The following PCDH15 variants were observed in gnomAD, a reference collection of about 807,000 sequenced individuals.
The protein encoded by PCDH15 is protocadherin-15.
PCDH15 carries 129 observed loss-of-function variants against 178.5 expected under a neutral mutation model. The ratio of observed to expected loss-of-function variants is 0.72; its 90% confidence interval spans 0.63 to 0.84. The LOEUF is 0.84. PCDH15 is among the 40% of genes least tolerant of loss of function. The probability of loss-of-function intolerance (pLI) is 0.00; values close to 1 mark genes in which losing one functional copy is unlikely to be tolerated. For missense variants in PCDH15, 2,230 were observed against 2,099.9 expected (o/e 1.06, Z -1.21); for synonymous variants, 800 against 732.0 (o/e 1.09, Z -1.50).
intron 1 of PCDH15, among the ~76,000 whole-genome samples, chr10:55,172,013 G>C (rs1403757836): frequency 1.3e-5 from 2 of 151,888 alleles, no homozygotes; most frequent in Admixed American, 6.6e-5. Context: ...AAAACTTTTA[G>C]AAACAATAAC....
chr10:54,623,602 G>A (rs942863299), intron 2 of PCDH15, among the ~76,000 whole-genome samples: 4 of 151,922 alleles, frequency 2.6e-5, no homozygotes, highest in East Asian at 1.9e-4. Context: ...TTTCTTTGGC[G>A]AGAAATAAAT....
intron 3 of PCDH15, among the ~76,000 whole-genome samples, chr10:54,483,877 A>C (rs1183113900): frequency 6.6e-6 from 1 of 151,874 alleles, no homozygotes; most frequent in Non-Finnish European, 1.5e-5. Flanking sequence ...TTGACAAATA[A>C]GGGTGATGAT....
chr10:54,684,115 T>C (rs2094950315), intron 1 of PCDH15, among the ~76,000 whole-genome samples: 1 of 152,030 alleles, frequency 6.6e-6, no homozygotes, highest in South Asian at 2.1e-4. Context: ...TTAAAATGCA[T>C]GTGTTATTGT....
chr10:55,497,490 G>C (rs1320067022), intron 2 of PCDH15, among the ~76,000 whole-genome samples: 1 of 151,634 alleles, frequency 6.6e-6, no homozygotes, highest in Non-Finnish European at 1.5e-5. Context: ...TTTTCTGTAA[G>C]TAATAACACA....
chr10:55,282,017 C>T (rs1188996546), intron 1 of PCDH15, among the ~76,000 whole-genome samples: 2 of 152,114 alleles, frequency 1.3e-5, no homozygotes, highest in African/African-American at 4.8e-5. Context: ...CTATTATATC[C>T]ATATTGACTT....
chr10:54,473,596 T>G (rs2078068903), intron 3 of PCDH15, among the ~76,000 whole-genome samples: 1 of 152,084 alleles, frequency 6.6e-6, no homozygotes, highest in African/African-American at 2.4e-5. Flanking sequence ...AGTACTTTAA[T>G]TATTTGCTTG....
At chr10:54,625,050 A>T (rs1385162938) in intron 2 of PCDH15, among the ~76,000 whole-genome samples, 2 of 152,224 alleles carry the variant, frequency 1.3e-5, no homozygotes, top group East Asian at 3.9e-4. Context: ...AATTGTCTTC[A>T]GTGAAACTGG....
At chr10:54,031,586 A>G (rs2093297071) in intron 18 of PCDH15, among the ~76,000 whole-genome samples, 1 of 152,076 alleles carries the variant, frequency 6.6e-6, no homozygotes, top group Non-Finnish European at 1.5e-5. Context: ...ATAAAAATAA[A>G]CAATATTCCT....
At chr10:54,494,584 T>C (rs1202340990) in intron 3 of PCDH15, among the ~76,000 whole-genome samples, 1 of 152,170 alleles carries the variant, frequency 6.6e-6, no homozygotes, top group Non-Finnish European at 1.5e-5. Flanking sequence ...TTCTCTGCTC[T>C]ATGATGCAGC....
At chr10:54,538,829 T>C (rs1219425753) in intron 2 of PCDH15, among the ~76,000 whole-genome samples, 3 of 152,192 alleles carry the variant, frequency 2.0e-5, no homozygotes, top group South Asian at 2.1e-4. Flanking sequence ...AAACCTCTTT[T>C]CTTTATAAAT....
At chr10:54,599,751 A>G (rs1318753270) in intron 2 of PCDH15, 2 of 484,112 alleles carry the variant, frequency 4.1e-6, no homozygotes, top group Non-Finnish European at 7.8e-6. Context: ...AAGAGGAGGT[A>G]AAAGATGAGG....
intron 3 of PCDH15, among the ~76,000 whole-genome samples, chr10:54,834,625 T>A (rs2133754769): frequency 6.6e-6 from 1 of 152,094 alleles, no homozygotes; most frequent in South Asian, 2.1e-4. Flanking sequence ...AAAAAATAAT[T>A]CTCTCTATTA....
chr10:54,997,111 C>CAA (rs34308353), intron 2 of PCDH15, among the ~76,000 whole-genome samples: 90,482 of 141,994 alleles, frequency 0.64, 28,748 homozygotes, highest in South Asian at 0.71. Context: ...ACTCTAGTCT[C>CAA]AAAAAAAAAA....
chr10:54,864,089 T>C (rs1953894285), intron 3 of PCDH15, among the ~76,000 whole-genome samples: 2 of 152,172 alleles, frequency 1.3e-5, no homozygotes, highest in South Asian at 4.1e-4. Context: ...ATGAAGGTTT[T>C]ATAAATTTCT....
chr10:55,206,599 A>G (rs879773770), intron 1 of PCDH15, among the ~76,000 whole-genome samples: 1 of 152,132 alleles, frequency 6.6e-6, no homozygotes, highest in Non-Finnish European at 1.5e-5. Flanking sequence ...TCTCTTCACA[A>G]TTAACATCAC....
intron 2 of PCDH15, among the ~76,000 whole-genome samples, chr10:55,579,926 A>C (rs1489008488): frequency 1.3e-5 from 2 of 151,966 alleles, no homozygotes; most frequent in Non-Finnish European, 2.9e-5. Flanking sequence ...GCGCAATCTC[A>C]GCTCACTGCA....
chr10:54,412,182 G>A (rs1953631571), intron 3 of PCDH15, among the ~76,000 whole-genome samples: 1 of 149,452 alleles, frequency 6.7e-6, no homozygotes, highest in South Asian at 2.1e-4. Context: ...CAAATGTAAG[G>A]GAAAACATCT....
chr10:55,580,012 A>G (rs1457572797), intron 2 of PCDH15, among the ~76,000 whole-genome samples: 1 of 151,946 alleles, frequency 6.6e-6, no homozygotes, highest in Non-Finnish European at 1.5e-5. Context: ...ACCTGCCACC[A>G]CGCCTGGCTA....
At chr10:55,110,906 T>G (rs918489631) in intron 2 of PCDH15, among the ~76,000 whole-genome samples, 37 of 152,252 alleles carry the variant, frequency 2.4e-4, no homozygotes, top group African/African-American at 7.7e-4. Flanking sequence ...TATTTTATAT[T>G]TATTTACTTC....
Sources: gnomAD v4.1 joint callset for allele counts (sites outside exome capture counted in the v4.1 genomes callset) on GRCh38, gnomAD v4.1.1 for gene constraint, MANE v1.5 for transcripts, NCBI Gene and HGNC (gene_info 2026-07-23, HGNC 2026-07-21) for gene names.